The following KCNH5 variants were observed in gnomAD, a reference collection of about 807,000 sequenced individuals.
KCNH5 encodes the protein potassium voltage-gated channel subfamily H member 5.
KCNH5 carries 46 observed loss-of-function variants against 96.1 expected under a neutral mutation model. The ratio of observed to expected loss-of-function variants is 0.48; its 90% confidence interval spans 0.38 to 0.61. KCNH5 has a LOEUF of 0.61. Ranked by LOEUF, KCNH5 falls within the 20% of genes least tolerant of loss-of-function variation. The pLI, the probability that KCNH5 is intolerant of heterozygous loss-of-function variation, is 0.00. For synonymous variants in KCNH5, 439 were observed against 449.8 expected, an observed-to-expected ratio of 0.98 and a Z score of 0.30; for missense variants, 907 against 1,225.8, an observed-to-expected ratio of 0.74 and a Z score of 3.88.
At chr14:62,718,360 G>A (rs1422744926) in intron 10 of KCNH5, among the ~76,000 whole-genome samples, 1 of 151,744 alleles carries the variant, frequency 6.6e-6, no homozygotes, top group Non-Finnish European at 1.5e-5. Flanking sequence ...TTATAACTCA[G>A]AAATAAAAAC....
chr14:62,962,620 G>A lies in KCNH5; in HGVS notation c.943-12061C>T, dbSNP rs946876396. Among the ~76,000 whole-genome samples, 3 of 152,150 alleles carry A rather than the reference G, an allele frequency of 2.0e-5. No individual in the cohort carries two copies. The East Asian group carries it at 5.8e-4, about 29-fold the overall frequency. ...AACAAATGAGAAACTAGAAGAACTT[G>A]TTGAGTCACCTACAGAGGAAGAAGA... On this transcript the variant is annotated intron_variant, in intron 6 of 10. Transcript: ENST00000322893.
chr14:62,831,156 C>A (rs1245168973), intron 8 of KCNH5, among the ~76,000 whole-genome samples: 2 of 152,132 alleles, frequency 1.3e-5, no homozygotes. Context: ...GCTATTTGTT[C>A]TCCTCCATAA....
chr14:62,944,073 T>C (rs145512859), intron 7 of KCNH5, among the ~76,000 whole-genome samples: 4 of 152,202 alleles, frequency 2.6e-5, no homozygotes, highest in East Asian at 1.9e-4. Flanking sequence ...CTGTCTGATA[T>C]ATGAACAAGG....
intron 9 of KCNH5, among the ~76,000 whole-genome samples, chr14:62,792,858 T>C (rs902757298): frequency 2.6e-5 from 4 of 151,738 alleles, no homozygotes; most frequent in African/African-American, 7.2e-5. Flanking sequence ...ATGCCCATTG[T>C]AGCTTTATTC....
rs369890950 is a variant in KCNH5, at chr14:62,700,995, T to G, written c.*6513A>C. 6 of 152,322 alleles carry G rather than the reference T, an allele frequency of 3.9e-5. No homozygotes were observed. The highest frequency in any genetic ancestry group is 1.4e-4 in the African/African-American group (6 of 41,574). The allele number at this position is 152,322 out of a possible 1,614,324, so 9.4% of individuals were successfully genotyped here. A position where few individuals can be genotyped will look rare whatever the true frequency, so the allele number is the denominator to read the frequency against. Reference sequence around the variant, plus strand: ...GGGATAAAATTACTTAAATTAGTTATTATGGATACTCAATCTGGTTTATTG... The same window carrying G: ...GGGATAAAATTACTTAAATTAGTTAGTATGGATACTCAATCTGGTTTATTG... On this transcript the variant is annotated 3_prime_UTR_variant, in exon 11 of 11. Transcript: ENST00000322893.
At chr14:62,807,222 A>G (rs1886785507) in intron 8 of KCNH5, among the ~76,000 whole-genome samples, 1 of 152,176 alleles carries the variant, frequency 6.6e-6, no homozygotes, top group African/African-American at 2.4e-5. Context: ...AAGAAAACAA[A>G]AAATAAAAAA....
At chr14:62,872,263 A>G (rs1888271981) in intron 7 of KCNH5, among the ~76,000 whole-genome samples, 1 of 152,234 alleles carries the variant, frequency 6.6e-6, no homozygotes, top group African/African-American at 2.4e-5. Flanking sequence ...ACTCTATGGT[A>G]TTATTTTAAA....
chr14:62,725,432 T>C (rs370119367), intron 10 of KCNH5, among the ~76,000 whole-genome samples: 39 of 152,294 alleles, frequency 2.6e-4, no homozygotes, highest in African/African-American at 9.1e-4. Context: ...TAAAGCACAG[T>C]TTCCTTTGGC....
At chr14:63,042,309 T>C (rs1030054479) in intron 1 of KCNH5, among the ~76,000 whole-genome samples, 14 of 152,140 alleles carry the variant, frequency 9.2e-5, no homozygotes, top group Admixed American at 2.6e-4. Flanking sequence ...AAGTAGGATA[T>C]TCCTCTTTTC....
At chr14:62,885,940 C>G (rs1888586869) in intron 7 of KCNH5, among the ~76,000 whole-genome samples, 1 of 152,074 alleles carries the variant, frequency 6.6e-6, no homozygotes, top group Non-Finnish European at 1.5e-5. Context: ...GAAGAAAGAC[C>G]TGGGTCTGTG....
rs530502585 is a variant in KCNH5, at chr14:62,993,299, GT to G, written c.434-6113del. Reference sequence around the variant, plus strand: ...CTTAAGACTACTTTGGCTATTTGGGGTTTTTTTAGTTCCATATGAATTTTAG... The same window carrying G: ...CTTAAGACTACTTTGGCTATTTGGGGTTTTTTAGTTCCATATGAATTTTAG... On this transcript the variant is annotated intron_variant, in intron 4 of 10. Coordinates refer to ENST00000322893, the MANE Select transcript of KCNH5 (RefSeq NM_139318.5). 4.6e-5 allele frequency among the ~76,000 whole-genome samples: 7 copies of G among 151,924 alleles called. No individual in the cohort carries two copies. In the South Asian group the frequency reaches 8.3e-4, roughly 18 times the overall value.
intron 7 of KCNH5, among the ~76,000 whole-genome samples, chr14:62,938,669 C>T (rs528276069): frequency 3.9e-4 from 59 of 152,294 alleles, no homozygotes; most frequent in African/African-American, 1.4e-3. Flanking sequence ...TCTACATCCC[C>T]ACTGTCTGTT....
chr14:62,819,277 T>C (rs1318069583), intron 8 of KCNH5, among the ~76,000 whole-genome samples: 1 of 152,178 alleles, frequency 6.6e-6, no homozygotes, highest in East Asian at 1.9e-4. Context: ...AAGAATATTC[T>C]TTAGATATAA....
chr14:63,003,696 T>A (rs1300320329), intron 3 of KCNH5, among the ~76,000 whole-genome samples: 8 of 145,804 alleles, frequency 5.5e-5, no homozygotes, highest in Admixed American at 5.0e-4. Context: ...CTCGGCTCAC[T>A]GCGAGCTCCA....
intron 8 of KCNH5, among the ~76,000 whole-genome samples, chr14:62,823,501 C>G (rs1475548307): frequency 6.6e-6 from 1 of 152,024 alleles, no homozygotes; most frequent in African/African-American, 2.4e-5. Context: ...CATGCACAGT[C>G]TCTGTTAGCA....
rs797001617 is a variant in KCNH5 at position 63,045,398 on chromosome 14, C to G, written c.-212G>C. 2 of 577,146 alleles carry G rather than the reference C, an allele frequency of 3.5e-6. No homozygotes were observed. The highest frequency in any genetic ancestry group is 3.7e-5 in the African/African-American group (2 of 53,390). The allele number at this position is 577,146 out of a possible 1,614,324, so 35.8% of individuals were successfully genotyped here. A position where few individuals can be genotyped will look rare whatever the true frequency, so the allele number is the denominator to read the frequency against. ...AGGACCAGGCAGTTCATGGTAGTAG[C>G]GCTCCCCCGGCCGCCGCTGCCCAGA... On this transcript the variant is annotated 5_prime_UTR_variant, in exon 1 of 11. Coordinates refer to ENST00000322893, the MANE Select transcript of KCNH5 (RefSeq NM_139318.5).
chr14:63,027,849 G>A (rs1292538308), intron 1 of KCNH5, among the ~76,000 whole-genome samples: 1 of 151,954 alleles, frequency 6.6e-6, no homozygotes, highest in Admixed American at 6.6e-5. Flanking sequence ...TTTTATTAAA[G>A]CTCATAGTAA....
intron 8 of KCNH5, among the ~76,000 whole-genome samples, chr14:62,847,372 C>G (rs578115924): frequency 2.7e-4 from 41 of 152,058 alleles, no homozygotes; most frequent in African/African-American, 8.7e-4. Flanking sequence ...CCCTACACCC[C>G]CTTTCTAAGC....
intron 10 of KCNH5, among the ~76,000 whole-genome samples, chr14:62,750,620 C>A (rs1158138443): frequency 1.3e-5 from 2 of 152,150 alleles, no homozygotes; most frequent in African/African-American, 2.4e-5. Context: ...GGCAGCAAAA[C>A]AGCATCTAAT....
Sources: allele counts gnomAD v4.1 joint callset (sites outside exome capture counted in the v4.1 genomes callset), GRCh38; gene constraint gnomAD v4.1.1; transcripts MANE v1.5; gene names NCBI Gene and HGNC (gene_info 2026-07-23, HGNC 2026-07-21).